Variants in ADAMTS14 observed in about 807,000 individuals in gnomAD.
ADAMTS14 encodes the protein A disintegrin and metalloproteinase with thrombospondin motifs 14.
Under a neutral mutation model 128.6 loss-of-function variants are expected in ADAMTS14, and 100 were observed. That is an observed-to-expected ratio of 0.78 (90% CI 0.66 to 0.92). The LOEUF (loss-of-function observed/expected upper bound fraction) is 0.92. ADAMTS14 is among the 40% of genes least tolerant of loss of function. The pLI, the probability that ADAMTS14 is intolerant of heterozygous loss-of-function variation, is 0.00. For missense variants in ADAMTS14, 1,562 were observed against 1,658.6 expected (o/e 0.94, Z 1.01); for synonymous variants, 665 against 653.8 (o/e 1.02, Z -0.26).
At chr10:70,736,829 G>A (rs1841844221) in intron 10 of ADAMTS14, 36 bp downstream of exon 10, 1 of 1,583,780 alleles carries the variant, frequency 6.3e-7, no homozygotes, top group Non-Finnish European at 8.7e-7. Context: ...TGGCCTTCCT[G>A]GGGTGCAGGG....
intron 4 of ADAMTS14, among the ~76,000 whole-genome samples, chr10:70,717,455 A>G (rs991815056): frequency 2.6e-5 from 4 of 152,152 alleles, no homozygotes; most frequent in African/African-American, 9.7e-5. Context: ...AGAAGCCTGC[A>G]GAGACCTCCC....
chr10:70,709,524 G>C (rs1351556054), intron 4 of ADAMTS14, among the ~76,000 whole-genome samples: 4 of 89,256 alleles, frequency 4.5e-5, no homozygotes, highest in Non-Finnish European at 6.2e-5. Context: ...TTTTTGAGAC[G>C]GAGTCTGGCT....
intron 2 of ADAMTS14, among the ~76,000 whole-genome samples, chr10:70,698,313 C>T (rs72814547): frequency 0.16 from 25,050 of 152,150 alleles, 2,626 homozygotes; most frequent in Middle Eastern, 0.24. Context: ...GAAATATAAA[C>T]ATTCAATAAA....
intron 15 of ADAMTS14, among the ~76,000 whole-genome samples, chr10:70,747,197 C>A (rs761089613): frequency 6.6e-6 from 1 of 152,142 alleles, no homozygotes; most frequent in Non-Finnish European, 1.5e-5. Context: ...GGCTCCTAAA[C>A]TTCTATTCTT....
chr10:70,721,178 C>T (rs550937320), intron 4 of ADAMTS14, among the ~76,000 whole-genome samples: 1 of 151,770 alleles, frequency 6.6e-6, no homozygotes, highest in Admixed American at 6.6e-5. Flanking sequence ...GTGCATGTCA[C>T]CATGCCTGGC....
intron 19 of ADAMTS14, among the ~76,000 whole-genome samples, chr10:70,757,140 C>T (rs138354912): frequency 2.0e-3 from 307 of 152,176 alleles, no homozygotes; most frequent in African/African-American, 5.9e-3. Flanking sequence ...CACTGGGCAA[C>T]GCTGCTTTCC....
chr10:70,710,188 C>T (rs1420535285), intron 4 of ADAMTS14, among the ~76,000 whole-genome samples: 1 of 152,194 alleles, frequency 6.6e-6, no homozygotes, highest in Non-Finnish European at 1.5e-5. Context: ...GGCAGTGGTG[C>T]ACAAGGGAAA....
intron 4 of ADAMTS14, among the ~76,000 whole-genome samples, chr10:70,728,623 A>G (rs1430132488): frequency 6.6e-6 from 1 of 152,248 alleles, no homozygotes; most frequent in African/African-American, 2.4e-5. Context: ...TGTGCAGGGC[A>G]CTGGCCCACA....
At chr10:70,728,552 A>G (rs1306571284) in intron 4 of ADAMTS14, among the ~76,000 whole-genome samples, 2 of 152,234 alleles carry the variant, frequency 1.3e-5, no homozygotes, top group Non-Finnish European at 2.9e-5. Context: ...TGTCCGCCTC[A>G]TGAACACTGT....
intron 2 of ADAMTS14, among the ~76,000 whole-genome samples, chr10:70,685,101 G>A (rs72814531): frequency 0.18 from 26,923 of 152,252 alleles, 2,927 homozygotes; most frequent in Middle Eastern, 0.25. Context: ...TGGAGGGAGG[G>A]CGGCCTGAGG....
Position 70,761,068 on chromosome 10 carries a change from C to A in ADAMTS14, c.*215C>A. The A allele has an allele frequency of 1.4e-6, 1 of 695,880 alleles. No homozygotes were observed. Among genetic ancestry groups the A allele is most frequent in the Non-Finnish European group, 2.2e-6 (1 of 457,572 alleles). The allele number at this position is 695,880 out of a possible 1,614,324, so 43.1% of individuals were successfully genotyped here. Reference sequence around the variant, plus strand: ...AAAGCCCTAATCGGAGATACCTCAGCAAGCTGCCCCCGGCGGGACTGACCC... The same window carrying A: ...AAAGCCCTAATCGGAGATACCTCAGAAAGCTGCCCCCGGCGGGACTGACCC... On this transcript the variant is annotated 3_prime_UTR_variant, in exon 22 of 22. Coordinates refer to ENST00000373207, the MANE Select transcript of ADAMTS14 (RefSeq NM_080722.4).
intron 1 of ADAMTS14, among the ~76,000 whole-genome samples, chr10:70,674,198 C>T (rs1315177956): frequency 6.6e-6 from 1 of 152,210 alleles, no homozygotes; most frequent in Admixed American, 6.5e-5. Flanking sequence ...CTGCCCTTCC[C>T]TTTATTTGCC....
intron 2 of ADAMTS14, among the ~76,000 whole-genome samples, chr10:70,682,976 G>A (rs1022456749): frequency 6.6e-6 from 1 of 152,240 alleles, no homozygotes; most frequent in Non-Finnish European, 1.5e-5. Flanking sequence ...ATAAACTCCT[G>A]TAGTTAGATG....
At chr10:70,749,466 G>C (rs931953735) in intron 15 of ADAMTS14, among the ~76,000 whole-genome samples, 1 of 152,162 alleles carries the variant, frequency 6.6e-6, no homozygotes, top group Non-Finnish European at 1.5e-5. Flanking sequence ...GAATCCCTGA[G>C]GACTGGGCAA....
rs528118382 is a variant in ADAMTS14 at position 70,710,890 on chromosome 10, A to G, written c.870+2112A>G. On this transcript the variant is annotated intron_variant, in intron 4 of 21. Transcript: ENST00000373207. ...GGACAGTTGATGGGGAGAAATGTCA[A>G]CCCCACGTCATGTCAGTCCCCTTGG... Among the ~76,000 whole-genome samples, 5 of 152,262 alleles carry G rather than the reference A, an allele frequency of 3.3e-5. No individual in the cohort carries two copies. The South Asian group carries it at 8.3e-4, about 25-fold the overall frequency.
intron 4 of ADAMTS14, among the ~76,000 whole-genome samples, chr10:70,728,061 G>T (rs7082586): frequency 2.0e-5 from 3 of 149,352 alleles, no homozygotes; most frequent in Admixed American, 2.0e-4. Flanking sequence ...GCACCACTGC[G>T]CTCCAGCCTG....
intron 15 of ADAMTS14, among the ~76,000 whole-genome samples, chr10:70,748,508 C>G (rs1160640892): frequency 2.0e-5 from 3 of 152,276 alleles, no homozygotes; most frequent in South Asian, 2.1e-4. Context: ...CGAGGCTCTT[C>G]TTTTTCCACC....
At chr10:70,750,155 G>A (rs1842309351) in intron 16 of ADAMTS14, among the ~76,000 whole-genome samples, 170 bp downstream of exon 16, 1 of 152,222 alleles carries the variant, frequency 6.6e-6, no homozygotes, top group Non-Finnish European at 1.5e-5. Flanking sequence ...TTAAAAGCCT[G>A]CAGGATGGCA....
chr10:70,751,386 C>T (rs538188206), intron 16 of ADAMTS14, 92 bp from the exon 17 acceptor site: 21 of 1,298,020 alleles, frequency 1.6e-5, no homozygotes, highest in African/African-American at 4.3e-5. Flanking sequence ...TCTGCTCCGA[C>T]CCTAAGGCCT....
Sources: allele counts gnomAD v4.1 joint callset (sites outside exome capture counted in the v4.1 genomes callset), GRCh38; gene constraint gnomAD v4.1.1; transcripts MANE v1.5; gene names NCBI Gene and HGNC (gene_info 2026-07-23, HGNC 2026-07-21).